The following KCNMB2 variants were observed in gnomAD, a reference collection of about 807,000 sequenced individuals.
KCNMB2 encodes calcium-activated potassium channel subunit beta-2.
KCNMB2 carries 9 observed loss-of-function variants against 24.5 expected under a neutral mutation model. That is an observed-to-expected ratio of 0.37 (90% CI 0.22 to 0.64). The LOEUF is 0.64. Ranked by LOEUF, KCNMB2 falls within the 30% of genes least tolerant of loss-of-function variation. The pLI is 0.63. For missense variants in KCNMB2, 226 were observed against 284.3 expected, an observed-to-expected ratio of 0.79 and a Z score of 1.47; for synonymous variants, 109 against 104.4, an observed-to-expected ratio of 1.04 and a Z score of -0.27.
chr3:178,803,121 T>C lies in KCNMB2; in HGVS notation c.-67-4222T>C, dbSNP rs370967840. 7.2e-5 allele frequency among the ~76,000 whole-genome samples: 11 copies of C among 152,310 alleles called. No individual in the cohort carries two copies. The East Asian group carries it at 1.5e-3, about 21-fold the overall frequency. On this transcript the variant is annotated intron_variant, in intron 1 of 4. Coordinates refer to ENST00000452583, the MANE Select transcript of KCNMB2 (RefSeq NM_181361.3). ...AGCAACCCAGAAAGGCAAATATTAT[T>C]ATTCCCATTTTTACAGCTGAGGAAA...
chr3:178,584,623 A>G lies in KCNMB2; in HGVS notation c.-68+47912A>G, dbSNP rs140087755. On this transcript the variant is annotated intron_variant, in intron 1 of 4. Coordinates refer to ENST00000452583, the MANE Select transcript of KCNMB2 (RefSeq NM_181361.3). ...AGAGCACTGTTAGTGACCCAAGTAA[A>G]TTTATAGTTTTTAAGTTCAGAGGAA... Among the ~76,000 whole-genome samples, 374 of 152,228 alleles carry G rather than the reference A, an allele frequency of 2.5e-3. 10 individuals carry two copies. The highest frequency in any genetic ancestry group is 0.02 in the East Asian group (106 of 5,182).
chr3:178,607,860 A>G (rs1177993129), intron 1 of KCNMB2, among the ~76,000 whole-genome samples: 1 of 152,184 alleles, frequency 6.6e-6, no homozygotes, highest in Non-Finnish European at 1.5e-5. Context: ...AATGAAAAGA[A>G]CAGATCAATT....
chr3:178,543,795 T>C (rs1266441513), intron 1 of KCNMB2, among the ~76,000 whole-genome samples: 1 of 152,192 alleles, frequency 6.6e-6, no homozygotes, highest in East Asian at 1.9e-4. Context: ...CACTAGTATA[T>C]CTCTCCAAAA....
intron 1 of KCNMB2, among the ~76,000 whole-genome samples, chr3:178,606,473 CTTT>C (rs56897838): frequency 0.44 from 60,550 of 139,028 alleles, 14,658 homozygotes; most frequent in African/African-American, 0.71. Flanking sequence ...TTTCCTATTT[CTTT>C]TTTTTTTTTT....
chr3:178,673,593 C>T (rs1433067006), intron 1 of KCNMB2, among the ~76,000 whole-genome samples: 2 of 152,084 alleles, frequency 1.3e-5, no homozygotes, highest in Non-Finnish European at 2.9e-5. Context: ...GGGAGAGCAA[C>T]CCCTTCACTT....
intron 1 of KCNMB2, among the ~76,000 whole-genome samples, chr3:178,684,657 G>A (rs1457338655): frequency 9.2e-5 from 14 of 152,020 alleles, no homozygotes; most frequent in African/African-American, 1.7e-4. Context: ...GAGAAACCCC[G>A]TCTCTACTAA....
chr3:178,544,988 G>A (rs1462724849), intron 1 of KCNMB2, among the ~76,000 whole-genome samples: 1 of 152,058 alleles, frequency 6.6e-6, no homozygotes, highest in African/African-American at 2.4e-5. Flanking sequence ...AGCCATATTA[G>A]GGAAATCAAG....
intron 1 of KCNMB2, among the ~76,000 whole-genome samples, chr3:178,732,478 T>A (rs1483953952): frequency 6.6e-6 from 1 of 152,180 alleles, no homozygotes; most frequent in Non-Finnish European, 1.5e-5. Flanking sequence ...TACTGTAAAG[T>A]ATACTTTTTA....
Position 178,783,087 on chromosome 3 carries a change from A to G in KCNMB2, c.-67-24256A>G, listed in dbSNP as rs1436331371. Among the ~76,000 whole-genome samples the G allele has an allele frequency of 2.6e-5, 4 of 151,268 alleles. No homozygotes were observed. The East Asian group carries it at 7.8e-4, about 29-fold the overall frequency. On this transcript the variant is annotated intron_variant, in intron 1 of 4. Coordinates refer to ENST00000452583, the MANE Select transcript of KCNMB2 (RefSeq NM_181361.3). ...TGCTTGTTTTTCTCAGGTTTGTCAA[A>G]GATCAGATAGTTGTAGATATACGGC... is the stretch of plus-strand genomic sequence containing the variant.
At chr3:178,658,538 T>C in intron 1 of KCNMB2, among the ~76,000 whole-genome samples, 1 of 152,224 alleles carries the variant, frequency 6.6e-6, no homozygotes, top group East Asian at 1.9e-4. Context: ...CTGATCCCTC[T>C]CTTCCTTTAC....
chr3:178,624,757 G>A (rs926541768), intron 1 of KCNMB2, among the ~76,000 whole-genome samples: 2 of 151,592 alleles, frequency 1.3e-5, no homozygotes, highest in Admixed American at 1.3e-4. Context: ...TCGGTCCTGG[G>A]TGGGAAGGGT....
At chr3:178,588,288 C>T (rs1717532519) in intron 1 of KCNMB2, among the ~76,000 whole-genome samples, 1 of 152,106 alleles carries the variant, frequency 6.6e-6, no homozygotes, top group Admixed American at 6.5e-5. Flanking sequence ...GCTCTGTCAC[C>T]ATTACCTGAG....
At chr3:178,647,162 T>A (rs1007817444) in intron 1 of KCNMB2, among the ~76,000 whole-genome samples, 5 of 152,146 alleles carry the variant, frequency 3.3e-5, no homozygotes, top group Non-Finnish European at 7.3e-5. Flanking sequence ...TAAGGATAAA[T>A]ATGCTTCCTA....
chr3:178,588,691 A>G (rs1279018065), intron 1 of KCNMB2, among the ~76,000 whole-genome samples: 2 of 152,176 alleles, frequency 1.3e-5, no homozygotes, highest in Admixed American at 6.5e-5. Context: ...ATGTATACAT[A>G]TACGTGTATT....
intron 1 of KCNMB2, among the ~76,000 whole-genome samples, chr3:178,631,649 G>C (rs1005740510): frequency 2.6e-5 from 4 of 152,216 alleles, no homozygotes; most frequent in African/African-American, 9.7e-5. Flanking sequence ...AAGAATGAGA[G>C]AGGGAAATTC....
chr3:178,678,155 CA>C (rs1388534361), intron 1 of KCNMB2, among the ~76,000 whole-genome samples: 2 of 152,126 alleles, frequency 1.3e-5, no homozygotes, highest in Non-Finnish European at 2.9e-5. Flanking sequence ...TAGTCAGTGT[CA>C]GGGGTCAGTG....
At chr3:178,729,922 G>A (rs943273607) in intron 1 of KCNMB2, among the ~76,000 whole-genome samples, 9 of 152,120 alleles carry the variant, frequency 5.9e-5, no homozygotes, top group Admixed American at 4.6e-4. Flanking sequence ...CAGGCTACAT[G>A]CCCACTGCTG....
intron 1 of KCNMB2, among the ~76,000 whole-genome samples, chr3:178,695,142 T>C (rs1387828784): frequency 6.6e-6 from 1 of 152,260 alleles, no homozygotes; most frequent in Non-Finnish European, 1.5e-5. Flanking sequence ...TGCCAGGGCT[T>C]GGGGTTTGCA....
chr3:178,839,035 A>T (rs1377726524), intron 4 of KCNMB2, among the ~76,000 whole-genome samples: 1 of 152,212 alleles, frequency 6.6e-6, no homozygotes, highest in African/African-American at 2.4e-5. Context: ...AACCAATTTA[A>T]TTCTGATAAA....
Sources: allele counts gnomAD v4.1 joint callset (sites outside exome capture counted in the v4.1 genomes callset), GRCh38; gene constraint gnomAD v4.1.1; transcripts MANE v1.5; gene names NCBI Gene and HGNC (gene_info 2026-07-23, HGNC 2026-07-21).